Variants in SMIM35 observed in about 807,000 individuals in gnomAD.
SMIM35 encodes TMPRSS4 antisense RNA 1 (non-protein coding).
chr11:118,057,014 T>A (rs1944323499), intron 1 of SMIM35, among the ~76,000 whole-genome samples: 1 of 151,924 alleles, frequency 6.6e-6, no homozygotes, highest in South Asian at 2.1e-4. Context: ...GGCCGCTCAC[T>A]CCCCAAGCTG....
intron 1 of SMIM35, among the ~76,000 whole-genome samples, chr11:118,051,849 A>AATACTAATACTAATACT (rs927194711): frequency 6.6e-6 from 1 of 151,918 alleles, no homozygotes; most frequent in East Asian, 2.0e-4. Flanking sequence ...TACTAATACT[A>AATACTAATACTAATACT]ATACTAATAC....
intron 1 of SMIM35, among the ~76,000 whole-genome samples, chr11:118,069,167 G>T (rs1405505131): frequency 6.6e-6 from 1 of 152,216 alleles, no homozygotes; most frequent in Non-Finnish European, 1.5e-5. Context: ...GCCAAGTACA[G>T]GCTGTGAGGT....
At chr11:118,040,330 G>A (rs1017113648) in intron 1 of SMIM35, among the ~76,000 whole-genome samples, 8 of 152,188 alleles carry the variant, frequency 5.3e-5, no homozygotes, top group Non-Finnish European at 7.3e-5. Flanking sequence ...GAAAGTAAAA[G>A]ACAAGGAGAA....
At chr11:118,080,822 G>A (rs1320173215) in intron 1 of SMIM35, among the ~76,000 whole-genome samples, 4 of 152,132 alleles carry the variant, frequency 2.6e-5, no homozygotes, top group East Asian at 1.9e-4. Flanking sequence ...AAATCTCCAC[G>A]GCCTCAGACT....
chr11:118,035,634 C>G (rs1466981437), intron 1 of SMIM35, among the ~76,000 whole-genome samples: 1 of 152,264 alleles, frequency 6.6e-6, no homozygotes. Context: ...GCCAGTCTGC[C>G]CTCCTCAGGT....
chr11:118,020,653 G>A (rs571761731), intron 1 of SMIM35, among the ~76,000 whole-genome samples: 1 of 152,252 alleles, frequency 6.6e-6, no homozygotes, highest in Admixed American at 6.5e-5. Flanking sequence ...GTGTGAACAG[G>A]AGCTTGTTTT....
chr11:118,042,068 A>AGAGAGAGAG (rs377312959), intron 1 of SMIM35, among the ~76,000 whole-genome samples: 7 of 117,860 alleles, frequency 5.9e-5, no homozygotes, highest in Non-Finnish European at 1.1e-4. Flanking sequence ...AAAAAAAAAA[A>AGAGAGAGAG]AGAGAGAGAG....
intron 1 of SMIM35, among the ~76,000 whole-genome samples, chr11:118,073,340 GC>G (rs776115185): frequency 2.0e-5 from 3 of 152,216 alleles, no homozygotes; most frequent in Non-Finnish European, 4.4e-5. Flanking sequence ...TAAATAAGAT[GC>G]CCATGGTTAC....
intron 1 of SMIM35, among the ~76,000 whole-genome samples, chr11:118,019,440 G>C (rs2058208153): frequency 6.6e-6 from 1 of 152,112 alleles, no homozygotes; most frequent in African/African-American, 2.4e-5. Context: ...CAGAATTTAA[G>C]TTCAGGGAAG....
intron 1 of SMIM35, chr11:118,076,965 G>C (rs564028507): frequency 3.2e-4 from 95 of 301,138 alleles, no homozygotes; most frequent in Non-Finnish European, 5.5e-4. Context: ...AATGACTTCA[G>C]GTGTTGTTCC....
intron 1 of SMIM35, among the ~76,000 whole-genome samples, chr11:118,017,323 C>G (rs1315268298): frequency 6.6e-6 from 1 of 152,166 alleles, no homozygotes; most frequent in Non-Finnish European, 1.5e-5. Flanking sequence ...AGCTCCAAGA[C>G]AGCAAGAGCC....
intron 1 of SMIM35, among the ~76,000 whole-genome samples, chr11:118,061,093 G>C (rs899993657): frequency 1.3e-5 from 2 of 152,202 alleles, no homozygotes; most frequent in African/African-American, 4.8e-5. Context: ...GGCCCTGCTT[G>C]TTCCAAAACG....
rs559819023 is a variant in SMIM35, at chr11:118,021,052, T to TTTTTTTTTTGTTTTG, written c.8-5244_8-5243insCAAAACAAAAAAAAA. On this transcript the variant is annotated intron_variant, in intron 1 of 4. Coordinates refer to ENST00000689828, the MANE Select transcript of SMIM35 (RefSeq NM_001394165.1). ...TTCCAAATTCACAGGGTAAGGTTTT[T>TTTTTTTTTTGTTTTG]TTTTTTACTATTTATTAAGATGGAC... Among the ~76,000 whole-genome samples, 190 of 151,622 alleles carry TTTTTTTTTTGTTTTG rather than the reference T, an allele frequency of 1.3e-3. 1 individual carries two copies. The highest frequency in any genetic ancestry group is 2.4e-3 in the Non-Finnish European group (160 of 67,898).
intron 1 of SMIM35, among the ~76,000 whole-genome samples, chr11:118,054,336 A>C (rs1162954046): frequency 6.6e-6 from 1 of 152,200 alleles, no homozygotes; most frequent in Non-Finnish European, 1.5e-5. Context: ...CTTTCTGTAC[A>C]TCTGCCTTTG....
At chr11:118,043,986 A>G (rs1334616430) in intron 1 of SMIM35, among the ~76,000 whole-genome samples, 1 of 151,982 alleles carries the variant, frequency 6.6e-6, no homozygotes, top group Non-Finnish European at 1.5e-5. Context: ...ATTAAATTAT[A>G]TACTTCTAAT....
Position 118,086,920 on chromosome 11 carries a change from A to T in SMIM35, c.-163T>A, listed in dbSNP as rs1314283915. ...CAGAGTGAGGCTCCCTCAGAGGAGC[A>T]CTGTGGCCGGGCCCCACTCTGCAAG... On this transcript the variant is annotated 5_prime_UTR_variant, in exon 1 of 5. Transcript: ENST00000689828. The T allele has an allele frequency of 6.6e-6, 1 of 152,590 alleles. No individual in the cohort carries two copies. Among genetic ancestry groups the T allele is most frequent in the Non-Finnish European group, 1.5e-5 (1 of 68,116 alleles). 9.5% of individuals were successfully genotyped at this position (152,590 alleles called of 1,614,324 possible).
At chr11:118,084,082 A>G (rs544367799) in intron 1 of SMIM35, among the ~76,000 whole-genome samples, 19 of 152,308 alleles carry the variant, frequency 1.2e-4, no homozygotes, top group African/African-American at 4.3e-4. Flanking sequence ...ACCGTGCACC[A>G]GGCAATGTAC....
At chr11:118,023,963 G>C (rs1266131215) in intron 1 of SMIM35, among the ~76,000 whole-genome samples, 1 of 151,866 alleles carries the variant, frequency 6.6e-6, no homozygotes, top group Admixed American at 6.6e-5. Flanking sequence ...GAACCTGGGT[G>C]GTGGAGGTTG....
chr11:118,029,487 C>A (rs2058300756), intron 1 of SMIM35, among the ~76,000 whole-genome samples: 1 of 152,184 alleles, frequency 6.6e-6, no homozygotes, highest in Non-Finnish European at 1.5e-5. Context: ...AATGAGGACT[C>A]TGCAAAAGTT....
Sources: gnomAD v4.1 joint callset for allele counts (sites outside exome capture counted in the v4.1 genomes callset) on GRCh38, gnomAD v4.1.1 for gene constraint, MANE v1.5 for transcripts, NCBI Gene and HGNC (gene_info 2026-07-23, HGNC 2026-07-21) for gene names.